The following RGS20 variants were observed in gnomAD, a reference collection of about 807,000 sequenced individuals.
RGS20 encodes the protein regulator of G protein signaling 20, also known as gz-selective GTPase-activating protein.
RGS20 carries 30 observed loss-of-function variants against 33.6 expected under a neutral mutation model. That is an observed-to-expected ratio of 0.89 (90% confidence interval 0.67 to 1.21). The LOEUF (loss-of-function observed/expected upper bound fraction) is 1.21. Among genes scored for constraint, RGS20 ranks in the 50% most tolerant of loss-of-function variants. The pLI is 0.00. For missense variants in RGS20, 472 were observed against 502.4 expected (o/e 0.94, Z 0.58); for synonymous variants, 208 against 197.9 (o/e 1.05, Z -0.43).
chr8:53,904,437 T>C (rs1441936601), intron 2 of RGS20, among the ~76,000 whole-genome samples: 2 of 152,176 alleles, frequency 1.3e-5, no homozygotes, highest in Non-Finnish European at 2.9e-5. Context: ...TGGCCACAAC[T>C]TTGATTTTTG....
chr8:53,900,356 G>A (rs1812980788), intron 2 of RGS20, among the ~76,000 whole-genome samples: 1 of 152,000 alleles, frequency 6.6e-6, no homozygotes, highest in African/African-American at 2.4e-5. Context: ...TGCCCAGGCT[G>A]GTCTCAAACT....
rs1382013102 is a variant in RGS20, at chr8:53,879,517, C to CG, written c.431dup (p.Arg145SerfsTer73). 6.5e-6 allele frequency: 10 copies of CG among 1,544,458 alleles called. 1 individual carries two copies. Among genetic ancestry groups the CG allele is most frequent in the South Asian group, 2.4e-5 (2 of 83,718 alleles). On this transcript the variant is annotated frameshift_variant, in exon 2 of 6. Coordinates refer to ENST00000297313, the MANE Select transcript of RGS20 (RefSeq NM_170587.4). LOFTEE classifies it high-confidence loss of function. The stretch of plus-strand genomic sequence containing the variant: ...GCGCTGGCACTGCCCGGCCGACCCT[C>CG]GGGGGGTCGTCCGCTGAGGCCCCCC...
intron 1 of RGS20, among the ~76,000 whole-genome samples, chr8:53,875,372 C>T (rs1269571770): frequency 1.4e-5 from 2 of 138,198 alleles, no homozygotes; most frequent in Non-Finnish European, 3.0e-5. Context: ...GTGGAGGTTG[C>T]AGTGAGCCGA....
intron 2 of RGS20, among the ~76,000 whole-genome samples, chr8:53,889,372 G>A (rs1041153214): frequency 2.8e-5 from 4 of 141,274 alleles, no homozygotes; most frequent in Admixed American, 7.2e-5. Flanking sequence ...CAAGCCTTTG[G>A]CCCATTTTTC....
At position 53,878,672 on chromosome 8, in the gene RGS20, CCCTTCAGCCA is replaced by C. The variant is rs776499781; in HGVS notation, c.166-574_166-565del. Among the ~76,000 whole-genome samples, 106 of 152,048 alleles carry C rather than the reference CCCTTCAGCCA, an allele frequency of 7.0e-4. 1 individual carries two copies. Among genetic ancestry groups the C allele is most frequent in the African/African-American group, 2.1e-3 (86 of 41,394 alleles). ...CAACCAGCCTGTGGAGGGTCTGAGGCCCTTCAGCCACCTTCAGCCACTATCTGGACCTTCC... is the reference window on the plus strand; with the variant it reads ...CAACCAGCCTGTGGAGGGTCTGAGGCCCTTCAGCCACTATCTGGACCTTCC... On this transcript the variant is annotated intron_variant, in intron 1 of 5. Coordinates refer to ENST00000297313, the MANE Select transcript of RGS20 (RefSeq NM_170587.4).
intron 2 of RGS20, among the ~76,000 whole-genome samples, chr8:53,907,006 G>C (rs1286305699): frequency 1.3e-5 from 2 of 152,122 alleles, no homozygotes; most frequent in Non-Finnish European, 2.9e-5. Context: ...TAGCTCTCTG[G>C]CTTCACGTTC....
intron 1 of RGS20, among the ~76,000 whole-genome samples, chr8:53,862,288 G>A (rs1055015305): frequency 6.6e-6 from 1 of 152,096 alleles, no homozygotes; most frequent in African/African-American, 2.4e-5. Flanking sequence ...CATCACTCCT[G>A]CTCATGAAAT....
At position 53,877,894 on chromosome 8, in the gene RGS20, C is replaced by A. The variant is rs952568796; in HGVS notation, c.166-1364C>A. 4.6e-5 allele frequency among the ~76,000 whole-genome samples: 7 copies of A among 152,326 alleles called. No homozygotes were observed. Among genetic ancestry groups the A allele is most frequent in the African/African-American group, 1.7e-4 (7 of 41,584 alleles). ...TTCCCTCTCTCCTGACAATCGCTTC[C>A]CACAAGACTTCCACCGCCGAAAGAA... On this transcript the variant is annotated intron_variant, in intron 1 of 5. Coordinates refer to ENST00000297313, the MANE Select transcript of RGS20 (RefSeq NM_170587.4). The surrounding 1 kb of genome is among the most constrained non-coding windows in gnomAD (Gnocchi z 5.7).
At chr8:53,871,288 AT>A (rs937959786) in intron 1 of RGS20, among the ~76,000 whole-genome samples, 5 of 151,908 alleles carry the variant, frequency 3.3e-5, no homozygotes, top group African/African-American at 1.2e-4. Flanking sequence ...CAATCCTCAA[AT>A]TTTGACCACA....
intron 5 of RGS20, among the ~76,000 whole-genome samples, chr8:53,956,864 C>T (rs1179140017): frequency 6.6e-6 from 1 of 152,034 alleles, no homozygotes; most frequent in South Asian, 2.1e-4. Flanking sequence ...CAACCAAAAA[C>T]AGGCCGGGCA....
At chr8:53,858,934 A>G (rs1261906967) in intron 1 of RGS20, among the ~76,000 whole-genome samples, 1 of 149,446 alleles carries the variant, frequency 6.7e-6, no homozygotes, top group Admixed American at 6.7e-5. Flanking sequence ...GGGGCAGAGG[A>G]AGTGGGAAGT....
intron 2 of RGS20, among the ~76,000 whole-genome samples, chr8:53,908,142 A>C (rs1462139429): frequency 6.6e-6 from 1 of 152,214 alleles, no homozygotes; most frequent in Non-Finnish European, 1.5e-5. Context: ...AAAGATGGAA[A>C]ACGTTGGGAG....
chr8:53,946,587 T>G, intron 3 of RGS20, 78 bp from the exon 3 acceptor site: 1 of 1,158,730 alleles, frequency 8.6e-7, no homozygotes, highest in Non-Finnish European at 1.3e-6. Context: ...GGATCTGAAG[T>G]TCTCTTTAAA....
chr8:53,954,076 CCCTGCT>C lies in RGS20; in HGVS notation c.748_753del (p.Ala250_Pro251del). Reference sequence around the variant, plus strand: ...CCCCTCTCTTTTGGTCTCCACGAAGCCCTGCTCCTACTCTGGAAGAAGTCAACGCCT... The same window carrying C: ...CCCCTCTCTTTTGGTCTCCACGAAGCCCTACTCTGGAAGAAGTCAACGCCT... On this transcript the variant is annotated inframe_deletion and splice_region_variant, in exon 5 of 6. Coordinates refer to ENST00000297313, the MANE Select transcript of RGS20 (RefSeq NM_170587.4). 1 of 1,611,466 alleles carries C rather than the reference CCCTGCT, an allele frequency of 6.2e-7. No homozygotes were observed. Among genetic ancestry groups the C allele is most frequent in the Non-Finnish European group, 8.5e-7 (1 of 1,177,722 alleles).
At chr8:53,898,660 TTATG>T (rs1373968862) in intron 2 of RGS20, among the ~76,000 whole-genome samples, 2 of 152,372 alleles carry the variant, frequency 1.3e-5, no homozygotes, top group Non-Finnish European at 2.9e-5. Context: ...CAGTAAGGGC[TTATG>T]TGGCATTAAT....
chr8:53,864,430 G>GAAAAAAA (rs754317203), intron 1 of RGS20, among the ~76,000 whole-genome samples: 1 of 82,900 alleles, frequency 1.2e-5, no homozygotes. Context: ...AAGACTCCAT[G>GAAAAAAA]AAAAAAAAAA....
intron 2 of RGS20, among the ~76,000 whole-genome samples, chr8:53,881,512 GTTGGGCGCCCGGGGCTGGTGGT>G (rs2129274695): frequency 6.6e-6 from 1 of 152,272 alleles, no homozygotes; most frequent in South Asian, 2.1e-4. Flanking sequence ...CAAGGAAGGG[GTTGGGCGCCCGGGGCTGGTGGT>G]TTGAGCGCCG....
chr8:53,876,617 T>C lies in RGS20; in HGVS notation c.166-2641T>C, dbSNP rs549764190. 8 of 152,406 alleles carry C rather than the reference T, an allele frequency of 5.2e-5. No individual in the cohort carries two copies. In the East Asian group the frequency reaches 1.5e-3, roughly 29 times the overall value. The allele number at this position is 152,406 out of a possible 1,614,324, so 9.4% of individuals were successfully genotyped here. ...AGATCGAATTTTTTGGCTACATTGA[T>C]ACTCTTCGGCTCTGTCCTTGCCAGA... is the stretch of plus-strand genomic sequence containing the variant. On this transcript the variant is annotated intron_variant, in intron 1 of 5. Transcript: ENST00000297313.
chr8:53,880,765 C>G (rs1812340312), intron 2 of RGS20, 107 bp from the exon 1 acceptor site: 2 of 1,035,862 alleles, frequency 1.9e-6, no homozygotes, highest in Non-Finnish European at 2.6e-6. Flanking sequence ...CGTGGGGCCT[C>G]GGGGGTACCC....
Sources: gnomAD v4.1 joint callset for allele counts (sites outside exome capture counted in the v4.1 genomes callset) on GRCh38, gnomAD v4.1.1 for gene constraint, Gnocchi (gnomAD v3.1) non-coding constraint, MANE v1.5 for transcripts, NCBI Gene and HGNC (gene_info 2026-07-23, HGNC 2026-07-21) for gene names.